Variants in DBNL observed in about 807,000 individuals in gnomAD.
DBNL encodes drebrin like.
A neutral mutation model predicts 62.2 loss-of-function variants in DBNL; 35 were observed. The observed-to-expected ratio is 0.56, with a 90% confidence interval of 0.43 to 0.75. The LOEUF (loss-of-function observed/expected upper bound fraction) is 0.75, where lower values mean the gene tolerates loss of function less well. Among genes scored for constraint, DBNL ranks in the 30% least tolerant of loss-of-function variants. The pLI is 0.00. For missense variants in DBNL, 495 were observed against 578.4 expected (o/e 0.86, Z 1.48); for synonymous variants, 197 against 218.0 (o/e 0.90, Z 0.85).
chr7:44,052,492 C>A (rs1243565148), intron 3 of DBNL, among the ~76,000 whole-genome samples: 2 of 151,988 alleles, frequency 1.3e-5, no homozygotes, highest in Non-Finnish European at 2.9e-5. Context: ...CACCTGTAGT[C>A]CCAGCTACTC....
At chr7:44,051,618 G>A (rs374613337) in intron 2 of DBNL, 42 of 406,322 alleles carry the variant, frequency 1.0e-4, no homozygotes, top group South Asian at 3.8e-4. Flanking sequence ...TGTCAGAATC[G>A]CAGACTTCTA....
chr7:44,063,812 C>T lies in DBNL; in HGVS notation c.*2896C>T, dbSNP rs1426209889. On this transcript the variant is annotated 3_prime_UTR_variant, in exon 13 of 13. Transcript: ENST00000448521. ...GTTCTCTGGGGAGTCAGAGTGAAAT[C>T]CCTCATATTCACCACCAAAAGTGCG... is the stretch of plus-strand genomic sequence containing the variant. 6.6e-6 allele frequency: 1 copy of T among 152,378 alleles called. No homozygotes were observed. The highest frequency in any genetic ancestry group is 1.5e-5 in the Non-Finnish European group (1 of 68,164). 9.4% of individuals were successfully genotyped at this position (152,378 alleles called of 1,614,324 possible).
Position 44,059,375 on chromosome 7 carries a change from T to C in DBNL, c.857T>C (p.Leu286Pro). The C allele has an allele frequency of 1.2e-6, 2 of 1,614,036 alleles. No individual in the cohort carries two copies. Among genetic ancestry groups the C allele is most frequent in the Non-Finnish European group, 1.7e-6 (2 of 1,179,978 alleles). ...PQPGKLRSPF[L>P]QKQLTQPETH... is the part of the protein sequence containing the mutation. ...GCAGGCAAGCTGAGGAGCCCCTTCC[T>C]GCAGAAGCAGCTCACCCAACCAGAG... is the stretch of plus-strand genomic sequence containing the variant. Residue 286 changes from leucine (L) to proline (P), a missense_variant, in exon 10 of 13, where the codon CTG becomes CCG. Leu to Pro is a moderately conservative substitution (Grantham distance 98, BLOSUM62 -3). Transcript: ENST00000448521. This position sits in a 1 kb window ranked among gnomAD's most constrained non-coding sequence, Gnocchi z 4.1.
intron 1 of DBNL, among the ~76,000 whole-genome samples, chr7:44,047,116 C>T (rs1478216552): frequency 6.6e-6 from 1 of 152,158 alleles, no homozygotes; most frequent in East Asian, 1.9e-4. Context: ...CACTTTTTCC[C>T]ATCTTTCTGT....
chr7:44,064,799 C>CCAGCCCCCGCGCCAGGAAGGGGGCA lies in DBNL; in HGVS notation c.*3885_*3886insGCCCCCGCGCCAGGAAGGGGGCACA. On this transcript the variant is annotated 3_prime_UTR_variant, in exon 13 of 13. Coordinates refer to ENST00000448521, the MANE Select transcript of DBNL (RefSeq NM_001014436.3). ...GAAGCCAGCTGGGGCTGCTGCCCAC[C>CCAGCCCCCGCGCCAGGAAGGGGGCA]CACCCTGCCCAGGCTCCTGAAGGTG... is the stretch of plus-strand genomic sequence containing the variant. 8.2e-7 allele frequency: 1 copy of CCAGCCCCCGCGCCAGGAAGGGGGCA among 1,212,908 alleles called. No individual in the cohort carries two copies. Among genetic ancestry groups the CCAGCCCCCGCGCCAGGAAGGGGGCA allele is most frequent in the Non-Finnish European group, 1.2e-6 (1 of 841,502 alleles). The allele number at this position is 1,212,908 out of a possible 1,614,324, so 75.1% of individuals were successfully genotyped here.
chr7:44,053,458 A>G (rs1257296334), intron 4 of DBNL, among the ~76,000 whole-genome samples: 1 of 152,232 alleles, frequency 6.6e-6, no homozygotes, highest in Non-Finnish European at 1.5e-5. Context: ...TTTCTCTGGC[A>G]AAGGAGACTC....
rs1482789522 is a variant in DBNL, at chr7:44,058,273, C to G, written c.697C>G (p.Pro233Ala). 1 of 1,574,974 alleles carries G rather than the reference C, an allele frequency of 6.3e-7. No individual in the cohort carries two copies. The highest frequency in any genetic ancestry group is 1.9e-4 in the Middle Eastern group (1 of 5,300). ...RYQEQGGEAS[P>A]QRTWEQQQEV... ...TCAGGAGCAGGGTGGCGAGGCCAGC[C>G]CCCAGAGGTGAGCCAGAGGTGGAGG... is the stretch of plus-strand genomic sequence containing the variant. The change falls in exon 7 of 13, where the codon CCC (proline) becomes GCC (alanine). Residue 233 changes from proline to alanine, a missense_variant. Coordinates refer to ENST00000448521, the MANE Select transcript of DBNL (RefSeq NM_001014436.3).
At chr7:44,058,020 G>T (rs2096139678) in intron 6 of DBNL, 109 bp from the exon 7 acceptor site, 4 of 1,520,544 alleles carry the variant, frequency 2.6e-6, no homozygotes, top group Middle Eastern at 1.8e-4. Flanking sequence ...GCTAATGATC[G>T]ACTGGCTCTG....
intron 1 of DBNL, among the ~76,000 whole-genome samples, chr7:44,048,393 G>C (rs1005244008): frequency 6.6e-6 from 1 of 152,170 alleles, no homozygotes; most frequent in Non-Finnish European, 1.5e-5. Flanking sequence ...TCTTTCTCTT[G>C]TTTTTCTGTG....
chr7:44,056,111 T>A (rs112544302), intron 4 of DBNL, among the ~76,000 whole-genome samples: 127 of 152,284 alleles, frequency 8.3e-4, no homozygotes, highest in African/African-American at 2.5e-3. Context: ...AGATGAAGAT[T>A]TAGTTTCATT....
intron 8 of DBNL, 22 bp downstream of exon 8, chr7:44,058,502 T>C: frequency 6.2e-7 from 1 of 1,613,338 alleles, no homozygotes; most frequent in South Asian, 1.1e-5. Context: ...GTGCTCTACT[T>C]GTTTGGACCT....
In DBNL at chr7:44,059,418, GC is replaced by G; in HGVS notation, c.902del (p.Pro301GlnfsTer103). 1 of 1,614,122 alleles carries G rather than the reference GC, an allele frequency of 6.2e-7. No homozygotes were observed. The highest frequency in any genetic ancestry group is 8.5e-7 in the Non-Finnish European group (1 of 1,180,016). On this transcript the variant is annotated frameshift_variant, in exon 10 of 13. Coordinates refer to ENST00000448521, the MANE Select transcript of DBNL (RefSeq NM_001014436.3). LOFTEE classifies it high-confidence loss of function. This position sits in a 1 kb window ranked among gnomAD's most constrained non-coding sequence, Gnocchi z 4.1. ...AACCAGAGACCCACTTTGGCAGAGAGCCAGCTGCTGCCATCTCAAGGCCCAG... is the reference window on the plus strand; with the variant it reads ...AACCAGAGACCCACTTTGGCAGAGAGCAGCTGCTGCCATCTCAAGGCCCAG... ...TQPETHFGRE[P>X]AAAISRPRAD... is the part of the protein sequence containing the mutation.
rs2096140384 is a variant in DBNL at position 44,058,223 on chromosome 7, A to G, written c.647A>G (p.Glu216Gly). The G allele has an allele frequency of 1.3e-6, 2 of 1,572,696 alleles. No homozygotes were observed. The highest frequency in any genetic ancestry group is 2.7e-5 in the African/African-American group (2 of 74,330). Reference sequence around the variant, plus strand: ...GAGCGCCGGGAGCGTGAGCTGCGTGAGGCTGCACGCCGGGAGCAGCGCTAT... The same window carrying G: ...GAGCGCCGGGAGCGTGAGCTGCGTGGGGCTGCACGCCGGGAGCAGCGCTAT... ...EQERRERELREAARREQRYQE... is the reference protein window; with the variant it reads ...EQERRERELRGAARREQRYQE... Residue 216 changes from glutamate (E) to glycine (G), a missense_variant, in exon 7 of 13, where the codon GAG becomes GGG. Transcript: ENST00000448521.
intron 4 of DBNL, among the ~76,000 whole-genome samples, chr7:44,053,676 ATTT>A (rs1249202688): frequency 2.1e-5 from 3 of 140,924 alleles, no homozygotes; most frequent in African/African-American, 2.6e-5. Flanking sequence ...CAGAATCTGA[ATTT>A]TTTTTTTTTT....
Position 44,066,204 on chromosome 7 carries a change from T to A in DBNL, c.*5288T>A, listed in dbSNP as rs1482027613. 1.2e-5 allele frequency: 2 copies of A among 161,268 alleles called. No homozygotes were observed. The highest frequency in any genetic ancestry group is 2.8e-5 in the Non-Finnish European group (2 of 72,564). 10.0% of individuals were successfully genotyped at this position (161,268 alleles called of 1,614,324 possible). A position where few individuals can be genotyped will look rare whatever the true frequency, so the allele number is the denominator to read the frequency against. The stretch of plus-strand genomic sequence containing the variant: ...CAAGGTCTCATCCATACATGCCCCA[T>A]GCTCCCACCCTATCTGCCCTCACCC... On this transcript the variant is annotated 3_prime_UTR_variant, in exon 13 of 13. Coordinates refer to ENST00000448521, the MANE Select transcript of DBNL (RefSeq NM_001014436.3).
In DBNL at chr7:44,059,355, C is replaced by T; in HGVS notation, c.837C>T (p.Gly279=). The change falls in exon 10 of 13, where the codon GGC becomes GGT. Residue 279 remains glycine, a splice_region_variant and synonymous_variant. Coordinates refer to ENST00000448521, the MANE Select transcript of DBNL (RefSeq NM_001014436.3). The surrounding 1 kb of genome is among the most constrained non-coding windows in gnomAD (Gnocchi z 4.1). ...STTSISSPQP[G]KLRSPFLQKQ... is the part of the protein sequence containing the mutation. ...GTATATATTTACCCGGGTTTGCAGG[C>T]AAGCTGAGGAGCCCCTTCCTGCAGA... The T allele has an allele frequency of 6.2e-7, 1 of 1,613,892 alleles. No homozygotes were observed. Among genetic ancestry groups the T allele is most frequent in the Non-Finnish European group, 8.5e-7 (1 of 1,179,932 alleles).
Position 44,065,504 on chromosome 7 carries a change from A to G in DBNL, c.*4588A>G, listed in dbSNP as rs1169770796. ...GTTCCATGTGCTCTCGCCGTGCCGG[A>G]CCATCACGAGGCGGTGAGTGGCCAT... is the stretch of plus-strand genomic sequence containing the variant. On this transcript the variant is annotated 3_prime_UTR_variant, in exon 13 of 13. Coordinates refer to ENST00000448521, the MANE Select transcript of DBNL (RefSeq NM_001014436.3). 4 of 1,613,998 alleles carry G rather than the reference A, an allele frequency of 2.5e-6. No homozygotes were observed. Among genetic ancestry groups the G allele is most frequent in the Non-Finnish European group, 3.4e-6 (4 of 1,180,022 alleles).
chr7:44,056,639 G>A, intron 4 of DBNL, 118 bp from the exon 5 acceptor site: 2 of 1,399,834 alleles, frequency 1.4e-6, no homozygotes, highest in Non-Finnish European at 1.9e-6. Flanking sequence ...GTGCCTTCTA[G>A]TTTCCTGATT....
rs1216478577 is a variant in DBNL, at chr7:44,065,564, G to A, written c.*4648G>A. On this transcript the variant is annotated 3_prime_UTR_variant, in exon 13 of 13. Coordinates refer to ENST00000448521, the MANE Select transcript of DBNL (RefSeq NM_001014436.3). The stretch of plus-strand genomic sequence containing the variant: ...AGGGACCACAGAGGACTCTGGACGG[G>A]GACGGCTGCTTCCCAACACTCCCAG... The A allele has an allele frequency of 1.2e-6, 2 of 1,602,504 alleles. No individual in the cohort carries two copies. The highest frequency in any genetic ancestry group is 1.7e-5 in the Admixed American group (1 of 60,008).
Sources: allele counts gnomAD v4.1 joint callset (sites outside exome capture counted in the v4.1 genomes callset), GRCh38; gene constraint gnomAD v4.1.1; non-coding constraint Gnocchi (gnomAD v3.1); transcripts MANE v1.5; gene names NCBI Gene and HGNC (gene_info 2026-07-23, HGNC 2026-07-21).